The following MYOF variants were observed in gnomAD, a reference collection of about 807,000 sequenced individuals.
MYOF encodes fer-1-like 3, myoferlin.
Under a neutral mutation model 284.2 loss-of-function variants are expected in MYOF, and 244 were observed. The ratio of observed to expected loss-of-function variants is 0.86; its 90% CI spans 0.77 to 0.95. MYOF has a LOEUF of 0.95. MYOF is among the 40% of genes least tolerant of loss of function. The probability of loss-of-function intolerance (pLI) is 0.00; values close to 1 mark genes in which losing one functional copy is unlikely to be tolerated. For synonymous variants in MYOF, 904 were observed against 919.7 expected, an observed-to-expected ratio of 0.98 and a Z score of 0.31; for missense variants, 2,496 against 2,560.6, an observed-to-expected ratio of 0.97 and a Z score of 0.54.
At chr10:93,363,247 A>T (rs1554846138) in intron 27 of MYOF, among the ~76,000 whole-genome samples, 1 of 152,292 alleles carries the variant, frequency 6.6e-6, no homozygotes, top group Non-Finnish European at 1.5e-5. Flanking sequence ...CTTGTTTATG[A>T]ACAGAAAACA....
At position 93,401,500 on chromosome 10, in the gene MYOF, A is replaced by G. The variant is rs1350516621; in HGVS notation, c.1035T>C (p.Ser345=). 35 of 1,613,834 alleles carry G rather than the reference A, an allele frequency of 2.2e-5. No individual in the cohort carries two copies. Among genetic ancestry groups the G allele is most frequent in the Non-Finnish European group, 2.9e-5 (34 of 1,179,958 alleles). ...CAATGCCAGCAGGGAGTAACAAATT[A>G]CTCTCCACATCATCACTGTCATTAT... is the stretch of plus-strand genomic sequence containing the variant. ...DRDNDSDDVE[S]NLLLPAGIAL... Residue 345 remains serine (S), a synonymous_variant, in exon 12 of 54, where the codon AGT becomes AGC. Transcript: ENST00000359263.
intron 27 of MYOF, among the ~76,000 whole-genome samples, chr10:93,362,317 G>C (rs1037422609): frequency 5.9e-5 from 9 of 151,458 alleles, no homozygotes; most frequent in Admixed American, 2.0e-4. Context: ...GCAATCTCGA[G>C]TCACTGCAAC....
intron 25 of MYOF, among the ~76,000 whole-genome samples, chr10:93,369,110 C>CTTTTTTATTTTTTTT (rs1845460401): frequency 1.3e-5 from 1 of 78,308 alleles, no homozygotes; most frequent in African/African-American, 6.5e-5. Flanking sequence ...ATTCAGACAG[C>CTTTTTTATTTTTTTT]TTTTTTTTTT....
At chr10:93,346,300 C>G (rs182154020) in intron 37 of MYOF, among the ~76,000 whole-genome samples, 43 of 152,344 alleles carry the variant, frequency 2.8e-4, no homozygotes, top group African/African-American at 9.9e-4. Context: ...TCTGTAAAAT[C>G]AGTACTCACA....
chr10:93,387,350 A>C (rs943957868), intron 19 of MYOF, among the ~76,000 whole-genome samples: 2 of 152,192 alleles, frequency 1.3e-5, no homozygotes, highest in African/African-American at 4.8e-5. Flanking sequence ...GATTCTCAGA[A>C]ATGGTTGGGG....
chr10:93,422,652 C>A (rs199899461), intron 5 of MYOF, among the ~76,000 whole-genome samples: 1 of 152,038 alleles, frequency 6.6e-6, no homozygotes, highest in Non-Finnish European at 1.5e-5. Flanking sequence ...CAAAATTAGC[C>A]GGGCATAGTG....
At chr10:93,343,824 G>C (rs1233703923) in intron 38 of MYOF, 32 bp downstream of exon 38, 2 of 1,607,228 alleles carry the variant, frequency 1.2e-6, no homozygotes, top group Admixed American at 3.3e-5. Context: ...AGATAAAACT[G>C]ACAGCATCCA....
Position 93,358,630 on chromosome 10 carries a change from C to T in MYOF, c.3120+1203G>A, listed in dbSNP as rs373016505. ...AATACTATGCAGCCATAAAAAGGAA[C>T]GAGATCATGTCCTTTGCAGGGACAT... is the stretch of plus-strand genomic sequence containing the variant. On this transcript the variant is annotated intron_variant, in intron 29 of 53. Transcript: ENST00000359263. Among the ~76,000 whole-genome samples the T allele has an allele frequency of 5.1e-4, 78 of 152,154 alleles. 1 individual carries two copies. The highest frequency in any genetic ancestry group is 1.6e-3 in the African/African-American group (68 of 41,508).
At chr10:93,457,526 G>A (rs2056771881) in intron 1 of MYOF, among the ~76,000 whole-genome samples, 1 of 152,142 alleles carries the variant, frequency 6.6e-6, no homozygotes, top group Non-Finnish European at 1.5e-5. Context: ...CACCTTTTCT[G>A]AAGACACAAG....
chr10:93,462,166 C>T (rs1355289294), intron 1 of MYOF, among the ~76,000 whole-genome samples: 1 of 151,318 alleles, frequency 6.6e-6, no homozygotes, highest in Non-Finnish European at 1.5e-5. Flanking sequence ...TCTTTGCTCA[C>T]TACAATCTCT....
intron 1 of MYOF, among the ~76,000 whole-genome samples, chr10:93,458,896 A>T (rs546368732): frequency 4.1e-4 from 62 of 152,306 alleles, no homozygotes; most frequent in African/African-American, 1.4e-3. Flanking sequence ...CTAATGTCAC[A>T]TTGCTTTGGC....
chr10:93,465,627 G>T (rs933169383), intron 1 of MYOF, among the ~76,000 whole-genome samples: 1 of 131,076 alleles, frequency 7.6e-6, no homozygotes, highest in East Asian at 2.2e-4. Context: ...CCATTCACCT[G>T]CCTCAGCCTC....
rs538240525 is a variant in MYOF, at chr10:93,371,161, A to C, written c.2458-1385T>G. 1.2e-3 allele frequency among the ~76,000 whole-genome samples: 190 copies of C among 152,364 alleles called. 5 individuals are homozygous for C. The South Asian group carries it at 0.039, about 31-fold the overall frequency. ...TGATTGTACATTATGTTACAAAATCATGCATGAATAAAAGAGTCATTCAAA... is the reference window on the plus strand; with the variant it reads ...TGATTGTACATTATGTTACAAAATCCTGCATGAATAAAAGAGTCATTCAAA... On this transcript the variant is annotated intron_variant, in intron 24 of 53. Coordinates refer to ENST00000359263, the MANE Select transcript of MYOF (RefSeq NM_013451.4).
chr10:93,317,398 G>A (rs1234024976), intron 49 of MYOF, among the ~76,000 whole-genome samples: 1 of 151,884 alleles, frequency 6.6e-6, no homozygotes, highest in Non-Finnish European at 1.5e-5. Flanking sequence ...AATACTTTGG[G>A]AGGCCGAGGG....
At chr10:93,431,024 C>CTTTTTTTTTTTT (rs113713765) in intron 4 of MYOF, among the ~76,000 whole-genome samples, 33 of 117,838 alleles carry the variant, frequency 2.8e-4, no homozygotes, top group Non-Finnish European at 3.8e-4. Flanking sequence ...TTTTTCTTTT[C>CTTTTTTTTTTTT]TTTTTTTTTT....
At chr10:93,439,679 A>G (rs1317848372) in intron 3 of MYOF, among the ~76,000 whole-genome samples, 2 of 152,204 alleles carry the variant, frequency 1.3e-5, no homozygotes, top group African/African-American at 4.8e-5. Flanking sequence ...ACTTAATGGT[A>G]TTGTTGCAGG....
chr10:93,467,743 G>A (rs1257294961), intron 1 of MYOF, among the ~76,000 whole-genome samples: 1 of 152,186 alleles, frequency 6.6e-6, no homozygotes, highest in Admixed American at 6.5e-5. Context: ...AACAACGATA[G>A]ACTGGATTAA....
At chr10:93,390,898 A>C (rs1264660807) in intron 17 of MYOF, among the ~76,000 whole-genome samples, 4 of 152,226 alleles carry the variant, frequency 2.6e-5, no homozygotes, top group Non-Finnish European at 5.9e-5. Context: ...GTCATGTCAC[A>C]TTATGGATGG....
At chr10:93,375,659 G>T (rs1845805116) in intron 22 of MYOF, among the ~76,000 whole-genome samples, 1 of 152,336 alleles carries the variant, frequency 6.6e-6, no homozygotes, top group East Asian at 1.9e-4. Context: ...AAAGGATTTA[G>T]AATAGTTGCA....
Sources: allele counts gnomAD v4.1 joint callset (sites outside exome capture counted in the v4.1 genomes callset), GRCh38; gene constraint gnomAD v4.1.1; transcripts MANE v1.5; gene names NCBI Gene and HGNC (gene_info 2026-07-23, HGNC 2026-07-21).